The following SAMD4A variants were observed in gnomAD, a reference collection of about 807,000 sequenced individuals.
SAMD4A encodes the protein sterile alpha motif domain containing 4A.
In SAMD4A, 33 loss-of-function variants were observed where a neutral mutation model predicts 81.3. That is an observed-to-expected ratio of 0.41 (90% CI 0.31 to 0.54). SAMD4A has a LOEUF of 0.54. Ranked by LOEUF, SAMD4A falls within the 20% of genes least tolerant of loss-of-function variation. SAMD4A has a pLI of 0.37. For synonymous variants in SAMD4A, 389 were observed against 382.1 expected (o/e 1.02, Z -0.21); for missense variants, 854 against 951.1 (o/e 0.90, Z 1.34).
chr14:54,628,257 T>A (rs927608646), intron 2 of SAMD4A, among the ~76,000 whole-genome samples: 1 of 152,046 alleles, frequency 6.6e-6, no homozygotes, highest in Non-Finnish European at 1.5e-5. Flanking sequence ...CGAAGACTGC[T>A]CTGTGTCCCT....
At chr14:54,621,657 C>T (rs1328001989) in intron 2 of SAMD4A, among the ~76,000 whole-genome samples, 2 of 152,066 alleles carry the variant, frequency 1.3e-5, no homozygotes, top group African/African-American at 4.8e-5. Context: ...CCACTGTGCC[C>T]AGCTCAAAAC....
intron 8 of SAMD4A, 43 bp from the exon 9 acceptor site, chr14:54,770,061 C>A: frequency 1.6e-6 from 2 of 1,272,536 alleles, no homozygotes; most frequent in East Asian, 2.3e-5. Context: ...CCCTCTAATG[C>A]CAGGCTGCGT....
intron 2 of SAMD4A, among the ~76,000 whole-genome samples, chr14:54,672,891 G>A (rs144598298): frequency 2.2e-4 from 33 of 152,330 alleles, no homozygotes; most frequent in African/African-American, 7.9e-4. Context: ...GTGACTAAGA[G>A]TGAAATATCA....
At position 54,791,421 on chromosome 14, in the gene SAMD4A, A is replaced by G. The variant is rs914966206; in HGVS notation, c.*2477A>G. 2 of 152,370 alleles carry G rather than the reference A, an allele frequency of 1.3e-5. No individual in the cohort carries two copies. Among genetic ancestry groups the G allele is most frequent in the Admixed American group, 1.3e-4 (2 of 15,310 alleles). 9.4% of individuals were successfully genotyped at this position (152,370 alleles called of 1,614,324 possible). On this transcript the variant is annotated 3_prime_UTR_variant, in exon 13 of 13. Coordinates refer to ENST00000554335, the MANE Select transcript of SAMD4A (RefSeq NM_015589.6). ...AATCCTTTAAAAGGAAGAAGACCTT[A>G]AAGTATCTGCAAATCTGAATTTCTA...
intron 6 of SAMD4A, chr14:54,754,939 G>A: frequency 1.4e-6 from 1 of 696,430 alleles, no homozygotes; most frequent in Non-Finnish European, 1.8e-6. Context: ...CTGGGGACGT[G>A]CATTGGGACA....
At chr14:54,620,034 C>T (rs1309374351) in intron 2 of SAMD4A, among the ~76,000 whole-genome samples, 1 of 151,806 alleles carries the variant, frequency 6.6e-6, no homozygotes, top group Non-Finnish European at 1.5e-5. Context: ...AGCATTTCTT[C>T]TACCAGTCAT....
intron 2 of SAMD4A, among the ~76,000 whole-genome samples, chr14:54,576,471 T>C (rs1363642493): frequency 1.3e-5 from 2 of 152,298 alleles, no homozygotes; most frequent in East Asian, 3.9e-4. Flanking sequence ...GTTTTGCACA[T>C]TGTAGGCATC....
chr14:54,567,723 A>C lies in SAMD4A; in HGVS notation c.-194A>C. On this transcript the variant is annotated 5_prime_UTR_variant, in exon 2 of 13. Transcript: ENST00000554335. ...ATCGTCTCTGGGGAAATCAGCCAGA[A>C]CCACCGGAACGTAACTGAAACCAGA... 1 of 559,954 alleles carries C rather than the reference A, an allele frequency of 1.8e-6. No homozygotes were observed. The highest frequency in any genetic ancestry group is 2.4e-5 in the South Asian group (1 of 41,616). 34.7% of individuals were successfully genotyped at this position (559,954 alleles called of 1,614,324 possible).
intron 6 of SAMD4A, among the ~76,000 whole-genome samples, chr14:54,758,523 AGCTCT>A (rs2038305304): frequency 6.6e-6 from 1 of 152,272 alleles, no homozygotes; most frequent in South Asian, 2.1e-4. Context: ...TGCTATTCTG[AGCTCT>A]CAGGAAATTA....
chr14:54,748,806 G>A lies in SAMD4A; in HGVS notation c.980-9G>A. On this transcript the variant is annotated splice_polypyrimidine_tract_variant and intron_variant, in intron 4 of 12. Coordinates refer to ENST00000554335, the MANE Select transcript of SAMD4A (RefSeq NM_015589.6). The stretch of plus-strand genomic sequence containing the variant: ...TCTCTCCCCATCTCTTGCACATCTT[G>A]CACCACAGATGTTCCAGCCTGGCTG... 2.6e-6 allele frequency: 4 copies of A among 1,536,160 alleles called. No homozygotes were observed. The highest frequency in any genetic ancestry group is 2.6e-6 in the Non-Finnish European group (3 of 1,133,484).
intron 2 of SAMD4A, among the ~76,000 whole-genome samples, chr14:54,648,048 A>T (rs2035322831): frequency 6.6e-6 from 1 of 152,232 alleles, no homozygotes; most frequent in African/African-American, 2.4e-5. Flanking sequence ...GCAGCTGAAG[A>T]ACTGGATTTT....
In SAMD4A at chr14:54,784,546, T is replaced by A. The variant is rs2039085011; in HGVS notation, c.2054T>A (p.Leu685His). The change falls in exon 12 of 13, where the codon CTT becomes CAT. Residue 685 changes from leucine (L) to histidine (H), a missense_variant. Physicochemically the swap from Leu to His is moderately conservative, Grantham distance 99. Transcript: ENST00000554335. ...CCTTTATCGCCTGCAGAATTCCAGC[T>A]TCCCGTGACCGAACCTGACATCAAC... Reference protein sequence around the residue: ...MLMFQQPEFQLPVTEPDINNR... With the variant: ...MLMFQQPEFQHPVTEPDINNR... The A allele has an allele frequency of 6.2e-7, 1 of 1,614,024 alleles. No individual in the cohort carries two copies. The highest frequency in any genetic ancestry group is 8.5e-7 in the Non-Finnish European group (1 of 1,180,010).
At chr14:54,731,484 G>A (rs777967229) in intron 3 of SAMD4A, among the ~76,000 whole-genome samples, 2 of 152,178 alleles carry the variant, frequency 1.3e-5, no homozygotes, top group Non-Finnish European at 2.9e-5. Flanking sequence ...CTTAATTCAA[G>A]AAGAATATTG....
chr14:54,782,684 G>A (rs567736733), intron 11 of SAMD4A, among the ~76,000 whole-genome samples: 38 of 152,338 alleles, frequency 2.5e-4, no homozygotes, highest in Admixed American at 2.0e-3. Flanking sequence ...TTTCCATAGC[G>A]TTCCTTTTTG....
chr14:54,779,910 G>A (rs1002722604), intron 11 of SAMD4A, among the ~76,000 whole-genome samples: 6 of 152,108 alleles, frequency 3.9e-5, no homozygotes, highest in East Asian at 1.9e-4. Context: ...GAATGGTCAC[G>A]TTCCTCATGG....
chr14:54,777,201 C>A (rs568907705), intron 11 of SAMD4A, among the ~76,000 whole-genome samples: 44 of 151,852 alleles, frequency 2.9e-4, no homozygotes, highest in African/African-American at 9.4e-4. Flanking sequence ...GGATGGACCC[C>A]CCCCCACCCC....
intron 11 of SAMD4A, among the ~76,000 whole-genome samples, chr14:54,780,823 G>T (rs940562716): frequency 3.9e-5 from 6 of 152,052 alleles, no homozygotes; most frequent in African/African-American, 1.4e-4. Flanking sequence ...CAGAGAAAAG[G>T]TGCGTTCCCA....
chr14:54,723,222 G>C (rs1220431678), intron 3 of SAMD4A, among the ~76,000 whole-genome samples: 1 of 151,542 alleles, frequency 6.6e-6, no homozygotes, highest in African/African-American at 2.4e-5. Context: ...CCTGCCCTCA[G>C]AACACCCACA....
At chr14:54,568,178 T>G in intron 2 of SAMD4A, 66 bp downstream of exon 2, 1 of 1,336,610 alleles carries the variant, frequency 7.5e-7, no homozygotes, top group Non-Finnish European at 9.6e-7. Flanking sequence ...TCCGCTTCTC[T>G]GCCTCGGGCC....
Sources: allele counts gnomAD v4.1 joint callset (sites outside exome capture counted in the v4.1 genomes callset), GRCh38; gene constraint gnomAD v4.1.1; transcripts MANE v1.5; gene names NCBI Gene and HGNC (gene_info 2026-07-23, HGNC 2026-07-21).